Variants in PPIL4 observed in about 807,000 individuals in gnomAD.
PPIL4 encodes the protein peptidyl-prolyl cis-trans isomerase-like 4.
PPIL4 carries 50 observed loss-of-function variants against 69.1 expected under a neutral mutation model. The observed-to-expected ratio is 0.72, with a 90% CI of 0.58 to 0.92. The LOEUF (loss-of-function observed/expected upper bound fraction) is 0.92, where lower values mean the gene tolerates loss of function less well. Ranked by LOEUF, PPIL4 falls within the 40% of genes least tolerant of loss-of-function variation. PPIL4 has a pLI of 0.00. For missense variants in PPIL4, 480 were observed against 587.9 expected, an observed-to-expected ratio of 0.82 and a Z score of 1.90; for synonymous variants, 193 against 191.6, an observed-to-expected ratio of 1.01 and a Z score of -0.06.
chr6:149,534,647 G>T, intron 6 of PPIL4, 31 bp downstream of exon 6: 2 of 1,059,322 alleles, frequency 1.9e-6, no homozygotes, highest in Non-Finnish European at 2.8e-6. Flanking sequence ...TAATATGAAT[G>T]TACATTTAAT....
chr6:149,541,680 A>T, intron 1 of PPIL4, 94 bp from the exon 2 acceptor site: 1 of 719,590 alleles, frequency 1.4e-6, no homozygotes, highest in Non-Finnish European at 2.3e-6. Flanking sequence ...CTAAATTACT[A>T]TTAAAAGAAA....
intron 8 of PPIL4, 57 bp from the exon 9 acceptor site, chr6:149,525,266 C>T: frequency 2.3e-6 from 2 of 861,836 alleles, no homozygotes; most frequent in Non-Finnish European, 3.7e-6. Flanking sequence ...AAAGCATTCA[C>T]TCTCACTCTT....
intron 7 of PPIL4, among the ~76,000 whole-genome samples, chr6:149,533,100 T>A (rs1210398457): frequency 6.6e-6 from 1 of 152,214 alleles, no homozygotes; most frequent in Non-Finnish European, 1.5e-5. Flanking sequence ...CAACTACCAT[T>A]CTGTTTAATC....
intron 1 of PPIL4, among the ~76,000 whole-genome samples, chr6:149,544,050 CTTATTG>C (rs1777404936): frequency 6.6e-6 from 1 of 152,104 alleles, no homozygotes; most frequent in South Asian, 2.1e-4. Flanking sequence ...AGGGGGTGGA[CTTATTG>C]TTATGGGCTT....
intron 4 of PPIL4, among the ~76,000 whole-genome samples, chr6:149,539,272 T>C (rs1397711623): frequency 1.3e-5 from 2 of 152,242 alleles, no homozygotes; most frequent in East Asian, 3.8e-4. Flanking sequence ...CTGAGAGGAT[T>C]GACTTCAATC....
intron 1 of PPIL4, among the ~76,000 whole-genome samples, chr6:149,544,106 C>A (rs1777405604): frequency 6.6e-6 from 1 of 151,156 alleles, no homozygotes; most frequent in Non-Finnish European, 1.5e-5. Flanking sequence ...GGTGGGGTAG[C>A]TCTACACCCC....
chr6:149,509,358 A>C (rs1776809035), intron 12 of PPIL4, among the ~76,000 whole-genome samples: 1 of 152,182 alleles, frequency 6.6e-6, no homozygotes, highest in South Asian at 2.1e-4. Context: ...CCAGTCTGAA[A>C]TTTTTTAGAC....
At chr6:149,526,310 A>G (rs1231412990) in intron 8 of PPIL4, among the ~76,000 whole-genome samples, 2 of 152,236 alleles carry the variant, frequency 1.3e-5, no homozygotes, top group Non-Finnish European at 2.9e-5. Flanking sequence ...ATTGCTGGTA[A>G]TTCCAGGAGT....
chr6:149,544,376 A>C (rs995338055), intron 1 of PPIL4, among the ~76,000 whole-genome samples: 1 of 152,224 alleles, frequency 6.6e-6, no homozygotes, highest in African/African-American at 2.4e-5. Flanking sequence ...CTAATACAAC[A>C]CATTTATATC....
At chr6:149,527,697 T>G (rs532146492) in intron 7 of PPIL4, among the ~76,000 whole-genome samples, 1 of 152,226 alleles carries the variant, frequency 6.6e-6, no homozygotes, top group African/African-American at 2.4e-5. Flanking sequence ...CCTTTTTCAG[T>G]CATTTCCTTG....
chr6:149,514,858 C>T (rs1293875830), intron 11 of PPIL4, among the ~76,000 whole-genome samples: 3 of 149,708 alleles, frequency 2.0e-5, no homozygotes, highest in Non-Finnish European at 4.4e-5. Flanking sequence ...TTTTTTGAGA[C>T]GGAGTTTCAC....
At chr6:149,544,937 T>C (rs893203842) in intron 1 of PPIL4, among the ~76,000 whole-genome samples, 10 of 152,184 alleles carry the variant, frequency 6.6e-5, no homozygotes, top group Non-Finnish European at 1.3e-4. Context: ...TAATCTCTCC[T>C]GGTCTCAGTT....
intron 9 of PPIL4, among the ~76,000 whole-genome samples, chr6:149,521,961 C>T (rs1777036795): frequency 6.6e-6 from 1 of 152,156 alleles, no homozygotes; most frequent in South Asian, 2.1e-4. Context: ...TTCCTGGAAA[C>T]TTATTCTTAC....
intron 4 of PPIL4, among the ~76,000 whole-genome samples, chr6:149,536,167 G>A (rs1283364607): frequency 1.3e-5 from 2 of 152,284 alleles, no homozygotes; most frequent in East Asian, 3.9e-4. Context: ...ATAAGATGGT[G>A]AACTTAATCC....
At chr6:149,529,740 C>T (rs573625749) in intron 7 of PPIL4, among the ~76,000 whole-genome samples, 11 of 124,710 alleles carry the variant, frequency 8.8e-5, no homozygotes, top group East Asian at 2.5e-4. Flanking sequence ...TCTAGCCTGA[C>T]GACAAGAGCG....
rs1777024162 is a variant in PPIL4 at position 149,521,170 on chromosome 6, T to A, written c.872A>T (p.Glu291Val). The A allele has an allele frequency of 3.3e-6, 5 of 1,496,124 alleles. No individual in the cohort carries two copies. The East Asian group carries it at 1.1e-4, about 34-fold the overall frequency. 92.7% of individuals were successfully genotyped at this position (1,496,124 alleles called of 1,614,324 possible). ...LCYAFIEFEK[E>V]EDCEKAFFKM... The stretch of plus-strand genomic sequence containing the variant: ...GAAGAATGCTTTCTCACAATCTTCT[T>A]CCTGATAATAATTATAAAAACTCAA... Residue 291 changes from glutamate to valine, a missense_variant and splice_region_variant, in exon 10 of 13, where the codon GAA becomes GTA. Coordinates refer to ENST00000253329, the MANE Select transcript of PPIL4 (RefSeq NM_139126.4).
intron 9 of PPIL4, among the ~76,000 whole-genome samples, chr6:149,524,125 T>C (rs1025021500): frequency 6.6e-6 from 1 of 152,180 alleles, no homozygotes; most frequent in Non-Finnish European, 1.5e-5. Context: ...GAGCATACCA[T>C]AGCACAGTGT....
At chr6:149,523,152 T>C (rs924948427) in intron 9 of PPIL4, among the ~76,000 whole-genome samples, 1 of 152,008 alleles carries the variant, frequency 6.6e-6, no homozygotes, top group Admixed American at 6.6e-5. Flanking sequence ...AATTAGAAAT[T>C]TGTTTATAAA....
At chr6:149,543,342 CAA>C (rs1471958977) in intron 1 of PPIL4, among the ~76,000 whole-genome samples, 2 of 152,074 alleles carry the variant, frequency 1.3e-5, no homozygotes, top group Non-Finnish European at 2.9e-5. Context: ...CGAATCCAAA[CAA>C]GAGAAATTCT....
Sources: allele counts gnomAD v4.1 joint callset (sites outside exome capture counted in the v4.1 genomes callset), GRCh38; gene constraint gnomAD v4.1.1; transcripts MANE v1.5; gene names NCBI Gene and HGNC (gene_info 2026-07-23, HGNC 2026-07-21).